SPATA16: variants seen among roughly 807,000 people sequenced by gnomAD.
SPATA16 encodes spermatogenesis-associated protein 16.
A neutral mutation model predicts 63.3 loss-of-function variants in SPATA16; 36 were observed. The ratio of observed to expected loss-of-function variants is 0.57; its 90% confidence interval spans 0.44 to 0.75. The LOEUF (loss-of-function observed/expected upper bound fraction) is 0.75. Among genes scored for constraint, SPATA16 ranks in the 30% least tolerant of loss-of-function variants. The pLI is 0.00. For synonymous variants in SPATA16, 203 were observed against 216.7 expected (o/e 0.94, Z 0.56); for missense variants, 646 against 679.3 (o/e 0.95, Z 0.54).
chr3:173,098,518 T>C (rs1251924081), intron 2 of SPATA16, among the ~76,000 whole-genome samples: 1 of 152,180 alleles, frequency 6.6e-6, no homozygotes, highest in Non-Finnish European at 1.5e-5. Flanking sequence ...GTGAATGATT[T>C]TAAAGGCCTC....
At chr3:172,976,129 T>G (rs1734153775) in intron 5 of SPATA16, among the ~76,000 whole-genome samples, 1 of 152,138 alleles carries the variant, frequency 6.6e-6, no homozygotes, top group African/African-American at 2.4e-5. Flanking sequence ...CTTTTGTAGT[T>G]GATTTTCACA....
At chr3:172,892,637 A>G (rs974132231) in intron 10 of SPATA16, among the ~76,000 whole-genome samples, 31 of 152,222 alleles carry the variant, frequency 2.0e-4, no homozygotes, top group African/African-American at 7.2e-4. Context: ...TGTCAAGGAA[A>G]GAAAAATGCT....
intron 4 of SPATA16, among the ~76,000 whole-genome samples, chr3:172,994,604 T>C (rs1470348803): frequency 1.3e-5 from 2 of 152,082 alleles, no homozygotes. Context: ...AGGGTCTTAA[T>C]TATAAGATAA....
intron 6 of SPATA16, among the ~76,000 whole-genome samples, chr3:172,942,585 T>C (rs192697278): frequency 5.9e-5 from 9 of 152,136 alleles, no homozygotes; most frequent in Admixed American, 5.9e-4. Context: ...AACCTACCAC[T>C]ATTTTGGATT....
intron 2 of SPATA16, among the ~76,000 whole-genome samples, chr3:173,054,514 CT>C (rs1216309720): frequency 6.6e-6 from 1 of 152,120 alleles, no homozygotes; most frequent in East Asian, 1.9e-4. Context: ...AGTCATCACC[CT>C]CAGCAAACTA....
chr3:173,050,734 G>C (rs1736068047), intron 2 of SPATA16, among the ~76,000 whole-genome samples: 1 of 151,914 alleles, frequency 6.6e-6, no homozygotes, highest in African/African-American at 2.4e-5. Context: ...TTTTGTAAAG[G>C]CTCTCAGAAT....
At chr3:173,055,195 C>G (rs1366794858) in intron 2 of SPATA16, among the ~76,000 whole-genome samples, 1 of 152,016 alleles carries the variant, frequency 6.6e-6, no homozygotes, top group African/African-American at 2.4e-5. Context: ...ATGGATTGCT[C>G]CATCCTACAT....
chr3:172,925,625 T>A (rs1732712894), intron 6 of SPATA16, 133 bp from the exon 7 acceptor site: 1 of 1,083,408 alleles, frequency 9.2e-7, no homozygotes, highest in Admixed American at 2.2e-5. Context: ...GAAGTAATAT[T>A]ATGTGTATCA....
At chr3:172,919,972 C>T (rs1370560396) in intron 8 of SPATA16, among the ~76,000 whole-genome samples, 1 of 152,140 alleles carries the variant, frequency 6.6e-6, no homozygotes, top group Non-Finnish European at 1.5e-5. Context: ...GGATTACAGG[C>T]GTGAACCACT....
At chr3:173,010,193 G>T (rs1252169651) in intron 4 of SPATA16, among the ~76,000 whole-genome samples, 3 of 152,216 alleles carry the variant, frequency 2.0e-5, no homozygotes, top group Non-Finnish European at 4.4e-5. Flanking sequence ...CTGCAGCTCT[G>T]AGTTTCTCTG....
chr3:172,906,734 ATT>A (rs891543289), intron 10 of SPATA16, among the ~76,000 whole-genome samples: 1 of 150,004 alleles, frequency 6.7e-6, no homozygotes, highest in African/African-American at 2.5e-5. Flanking sequence ...TCTCTAATAC[ATT>A]TTACTTTTTT....
chr3:172,945,077 A>G (rs754838603), intron 6 of SPATA16, among the ~76,000 whole-genome samples: 6 of 152,240 alleles, frequency 3.9e-5, no homozygotes, highest in Non-Finnish European at 7.3e-5. Flanking sequence ...TTAGGATCCG[A>G]AAAATCTTGG....
intron 4 of SPATA16, among the ~76,000 whole-genome samples, chr3:173,005,714 ATGTT>A (rs1734930844): frequency 6.6e-6 from 1 of 152,186 alleles, no homozygotes; most frequent in Non-Finnish European, 1.5e-5. Flanking sequence ...AAGTCAATCA[ATGTT>A]TGTTTTTCAC....
At chr3:173,107,533 A>G (rs1477311180) in intron 2 of SPATA16, among the ~76,000 whole-genome samples, 1 of 152,030 alleles carries the variant, frequency 6.6e-6, no homozygotes, top group Non-Finnish European at 1.5e-5. Flanking sequence ...GGCGGAAACA[A>G]AGTCTTCTCT....
chr3:173,073,870 T>C (rs962830220), intron 2 of SPATA16, among the ~76,000 whole-genome samples: 4 of 152,118 alleles, frequency 2.6e-5, no homozygotes, highest in Non-Finnish European at 4.4e-5. Flanking sequence ...CTCCAGCCTG[T>C]GAAAGCAGCT....
chr3:173,097,960 T>C lies in SPATA16; in HGVS notation c.612+19160A>G, dbSNP rs371367568. On this transcript the variant is annotated intron_variant, in intron 2 of 10. Transcript: ENST00000351008. ...TGGAAGGACAAATTAATTTTGGTAC[T>C]ATGTAGCAATGCTGCAGGGCATATT... Among the ~76,000 whole-genome samples the C allele has an allele frequency of 8.5e-5, 13 of 152,274 alleles. 1 individual carries two copies. The highest frequency in any genetic ancestry group is 2.6e-4 in the Admixed American group (4 of 15,274).
At chr3:173,036,779 T>G (rs770126289) in intron 3 of SPATA16, among the ~76,000 whole-genome samples, 16 of 152,044 alleles carry the variant, frequency 1.1e-4, no homozygotes, top group Non-Finnish European at 2.1e-4. Flanking sequence ...GGATCAGATA[T>G]GAGAACTCAG....
chr3:173,112,120 A>C lies in SPATA16; in HGVS notation c.612+5000T>G, dbSNP rs1379800098. Among the ~76,000 whole-genome samples, 3 of 151,890 alleles carry C rather than the reference A, an allele frequency of 2.0e-5. No individual in the cohort carries two copies. The East Asian group carries it at 5.8e-4, about 30-fold the overall frequency. ...TACAATACAAATGCAATGCCAACCC[A>C]CTCTCCCCCTACACACACTTAAAAC... On this transcript the variant is annotated intron_variant, in intron 2 of 10. Transcript: ENST00000351008.
intron 4 of SPATA16, among the ~76,000 whole-genome samples, chr3:173,000,654 AT>A (rs1734797349): frequency 6.8e-6 from 1 of 147,854 alleles, no homozygotes; most frequent in Non-Finnish European, 1.5e-5. Flanking sequence ...CCTTTTTGTT[AT>A]TCCCTTTACA....
Sources: gnomAD v4.1 joint callset for allele counts (sites outside exome capture counted in the v4.1 genomes callset) on GRCh38, gnomAD v4.1.1 for gene constraint, MANE v1.5 for transcripts, NCBI Gene and HGNC (gene_info 2026-07-23, HGNC 2026-07-21) for gene names.